GAS2: variants seen among roughly 807,000 people sequenced by gnomAD.
The protein encoded by GAS2 is growth arrest specific 2, also known as growth arrest-specific protein 2.
GAS2 carries 20 observed loss-of-function variants against 37.5 expected under a neutral mutation model. The observed-to-expected ratio is 0.53, with a 90% confidence interval of 0.37 to 0.77. The LOEUF (loss-of-function observed/expected upper bound fraction) is 0.77, where lower values mean the gene tolerates loss of function less well. Among genes scored for constraint, GAS2 ranks in the 30% least tolerant of loss-of-function variants. The pLI, the probability that GAS2 is intolerant of heterozygous loss-of-function variation, is 0.00. For synonymous variants in GAS2, 144 were observed against 132.2 expected (o/e 1.09, Z -0.61); for missense variants, 336 against 373.4 (o/e 0.90, Z 0.82).
chr11:22,809,364 A>G (rs1857034901), intron 7 of GAS2, among the ~76,000 whole-genome samples: 1 of 152,138 alleles, frequency 6.6e-6, no homozygotes, highest in Admixed American at 6.6e-5. Flanking sequence ...CTGGCATTTA[A>G]TTGTCTGGTG....
intron 7 of GAS2, among the ~76,000 whole-genome samples, chr11:22,773,641 T>G (rs1248768586): frequency 6.6e-6 from 1 of 152,092 alleles, no homozygotes. Flanking sequence ...CACCGTCAAG[T>G]CTTCCAAGAT....
At chr11:22,710,869 A>G (rs192516806) in intron 3 of GAS2, among the ~76,000 whole-genome samples, 6 of 152,264 alleles carry the variant, frequency 3.9e-5, no homozygotes, top group Non-Finnish European at 5.9e-5. Context: ...TCCATCCTTG[A>G]CAGCAATGTC....
chr11:22,628,889 G>C (rs918863533), intron 1 of GAS2, among the ~76,000 whole-genome samples: 4 of 152,158 alleles, frequency 2.6e-5, no homozygotes, highest in African/African-American at 9.7e-5. Context: ...TGCAGTGTTA[G>C]GTTTTCCATT....
intron 1 of GAS2, 96 bp from the exon 2 acceptor site, chr11:22,674,754 A>C (rs1166398542): frequency 2.2e-6 from 2 of 909,230 alleles, no homozygotes; most frequent in Non-Finnish European, 3.2e-6. Context: ...CTGTCATCAG[A>C]AAACCCGCGG....
At chr11:22,762,496 C>T (rs1210151525) in intron 7 of GAS2, among the ~76,000 whole-genome samples, 2 of 152,144 alleles carry the variant, frequency 1.3e-5, no homozygotes, top group East Asian at 1.9e-4. Flanking sequence ...CCACTCCAAG[C>T]TGCCACCTGT....
intron 1 of GAS2, among the ~76,000 whole-genome samples, chr11:22,635,552 G>A (rs1046561916): frequency 6.6e-6 from 1 of 152,178 alleles, no homozygotes; most frequent in African/African-American, 2.4e-5. Flanking sequence ...GACAGTAAAG[G>A]TGGCTTTCAA....
At chr11:22,711,122 T>G (rs1243819318) in intron 3 of GAS2, among the ~76,000 whole-genome samples, 1 of 152,096 alleles carries the variant, frequency 6.6e-6, no homozygotes, top group Non-Finnish European at 1.5e-5. Flanking sequence ...GCAAATGCCA[T>G]TAGACAGCTG....
At chr11:22,731,234 G>A (rs1213685346) in intron 4 of GAS2, 5 of 357,588 alleles carry the variant, frequency 1.4e-5, no homozygotes, top group African/African-American at 1.1e-4. Flanking sequence ...TGAGCTGGGA[G>A]ATGGCGAAAA....
intron 5 of GAS2, among the ~76,000 whole-genome samples, chr11:22,744,222 A>G (rs4388885): frequency 0.52 from 79,054 of 151,906 alleles, 23,818 homozygotes; most frequent in Non-Finnish European, 0.67. Context: ...CCAGACATAC[A>G]AAGAAGAGCT....
intron 1 of GAS2, chr11:22,672,598 A>G (rs986762166): frequency 4.6e-5 from 7 of 152,206 alleles, no homozygotes; most frequent in Non-Finnish European, 7.4e-5. Context: ...AGGTAAAGTT[A>G]CTGAACAGCC....
At chr11:22,692,190 A>T (rs1000503351) in intron 3 of GAS2, among the ~76,000 whole-genome samples, 25 of 152,178 alleles carry the variant, frequency 1.6e-4, no homozygotes, top group Admixed American at 1.5e-3. Context: ...GCAATGTGAA[A>T]AATTGGGCAA....
intron 3 of GAS2, among the ~76,000 whole-genome samples, chr11:22,708,260 T>G (rs908101821): frequency 6.6e-6 from 1 of 152,154 alleles, no homozygotes; most frequent in African/African-American, 2.4e-5. Flanking sequence ...AGGTGGATAT[T>G]ATGGATATTT....
intron 7 of GAS2, among the ~76,000 whole-genome samples, chr11:22,772,683 G>C (rs1197744820): frequency 6.6e-6 from 1 of 152,162 alleles, no homozygotes; most frequent in Non-Finnish European, 1.5e-5. Flanking sequence ...AAATCATGCA[G>C]AGTTCTCTTC....
At chr11:22,785,807 C>T (rs1651656233) in intron 7 of GAS2, among the ~76,000 whole-genome samples, 1 of 151,960 alleles carries the variant, frequency 6.6e-6, no homozygotes, top group South Asian at 2.1e-4. Flanking sequence ...GAGTATAGGA[C>T]AAAAACTGTA....
At chr11:22,685,824 G>A in intron 3 of GAS2, 35 bp downstream of exon 3, 1 of 1,577,938 alleles carries the variant, frequency 6.3e-7, no homozygotes, top group South Asian at 1.2e-5. Context: ...ACTCTTAGGT[G>A]GTAGATTACA....
At chr11:22,788,273 G>A (rs573509724) in intron 7 of GAS2, among the ~76,000 whole-genome samples, 1 of 152,240 alleles carries the variant, frequency 6.6e-6, no homozygotes, top group Non-Finnish European at 1.5e-5. Flanking sequence ...AAGAAAATAT[G>A]TTTTTCTTCC....
upstream of GAS2, among the ~76,000 whole-genome samples, chr11:22,663,846 T>C (rs532173235): frequency 2.0e-5 from 3 of 152,178 alleles, no homozygotes; most frequent in Non-Finnish European, 4.4e-5. Context: ...CTTTGCCTTA[T>C]GACATTAAAA....
intron 6 of GAS2, among the ~76,000 whole-genome samples, chr11:22,755,387 A>G (rs1046463461): frequency 1.3e-5 from 2 of 152,246 alleles, no homozygotes; most frequent in Admixed American, 6.5e-5. Flanking sequence ...CAACTTGTTA[A>G]ACTCACTCTC....
At chr11:22,735,055 G>A (rs1852674988) in intron 4 of GAS2, among the ~76,000 whole-genome samples, 1 of 151,490 alleles carries the variant, frequency 6.6e-6, no homozygotes, top group East Asian at 1.9e-4. Flanking sequence ...TATTCAGTTT[G>A]TTCATCATCA....
Sources: gnomAD v4.1 joint callset for allele counts (sites outside exome capture counted in the v4.1 genomes callset) on GRCh38, gnomAD v4.1.1 for gene constraint, MANE v1.5 for transcripts, NCBI Gene and HGNC (gene_info 2026-07-23, HGNC 2026-07-21) for gene names.